The following SLC25A11 variants were observed in gnomAD, a reference collection of about 807,000 sequenced individuals.
The protein encoded by SLC25A11 is solute carrier family 25 member 11.
SLC25A11 carries 11 observed loss-of-function variants against 32.7 expected under a neutral mutation model. The observed-to-expected ratio is 0.34, with a 90% confidence interval of 0.21 to 0.56. SLC25A11 has a LOEUF of 0.56. Ranked by LOEUF, SLC25A11 falls within the 20% of genes least tolerant of loss-of-function variation. The probability of loss-of-function intolerance (pLI) is 0.90; values close to 1 mark genes in which losing one functional copy is unlikely to be tolerated. For synonymous variants in SLC25A11, 163 were observed against 168.3 expected, an observed-to-expected ratio of 0.97 and a Z score of 0.24; for missense variants, 295 against 426.3, an observed-to-expected ratio of 0.69 and a Z score of 2.71.
chr17:4,938,331 G>A lies in SLC25A11; in HGVS notation c.637+8C>T. 6.2e-7 allele frequency: 1 copy of A among 1,614,126 alleles called. No individual in the cohort carries two copies. The highest frequency in any genetic ancestry group is 8.5e-7 in the Non-Finnish European group (1 of 1,180,002). On this transcript the variant is annotated splice_region_variant and intron_variant, in intron 5 of 7. Coordinates refer to ENST00000225665, the MANE Select transcript of SLC25A11 (RefSeq NM_003562.5). The surrounding 1 kb of genome is among the most constrained non-coding windows in gnomAD (Gnocchi z 7.6). ...GCTGGGAACTAAGGGCCCAGCTCTG[G>A]ATCTCACCTGAGTCCAGTAAGAACT...
chr17:4,937,922 G>C (rs1333638322), intron 7 of SLC25A11, 26 bp from the exon 8 acceptor site: 1 of 1,612,314 alleles, frequency 6.2e-7, no homozygotes, highest in Non-Finnish European at 8.5e-7. Context: ...CAGGGCGCTG[G>C]GGCTAGGACT....
rs181186410 is a variant in SLC25A11 at position 4,938,711 on chromosome 17, C to A, written c.455+58G>T. The A allele has an allele frequency of 3.8e-6, 6 of 1,592,254 alleles. No individual in the cohort carries two copies. The highest frequency in any genetic ancestry group is 5.2e-6 in the Non-Finnish European group (6 of 1,162,922). ...TCCAGATCCGGGATAAAAAACTGGTCCTTTCATTCTAGATTCGAGGGAATG... is the reference window on the plus strand; with the variant it reads ...TCCAGATCCGGGATAAAAAACTGGTACTTTCATTCTAGATTCGAGGGAATG... On this transcript the variant is annotated intron_variant, in intron 3 of 7. Coordinates refer to ENST00000225665, the MANE Select transcript of SLC25A11 (RefSeq NM_003562.5). This position sits in a 1 kb window ranked among gnomAD's most constrained non-coding sequence, Gnocchi z 7.6.
rs1970467494 is a variant in SLC25A11 at position 4,938,071 on chromosome 17, G to A, written c.741C>T (p.Ile247=). The A allele has an allele frequency of 6.2e-7, 1 of 1,614,026 alleles. No individual in the cohort carries two copies. Among genetic ancestry groups the A allele is most frequent in the Non-Finnish European group, 8.5e-7 (1 of 1,180,034 alleles). The change falls in exon 7 of 8, where the codon ATC becomes ATT. Residue 247 remains isoleucine (I), a synonymous_variant. Coordinates refer to ENST00000225665, the MANE Select transcript of SLC25A11 (RefSeq NM_003562.5). This position sits in a 1 kb window ranked among gnomAD's most constrained non-coding sequence, Gnocchi z 7.6. ...SMPVDIAKTR[I]QNMRMIDGKP... ...TCCCATCAATCATCCGCATGTTCTG[G>A]ATTCTGCAGGAGAGGACGCAGGGGC...
rs762312430 is a variant in SLC25A11, at chr17:4,938,636, A to G, written c.456-34T>C. 2 of 1,607,080 alleles carry G rather than the reference A, an allele frequency of 1.2e-6. No homozygotes were observed. The highest frequency in any genetic ancestry group is 1.7e-6 in the Non-Finnish European group (2 of 1,173,860). On this transcript the variant is annotated intron_variant, in intron 3 of 7. Transcript: ENST00000225665. The surrounding 1 kb of genome is among the most constrained non-coding windows in gnomAD (Gnocchi z 7.6). ...AAGGCAGAAAGAGGTCAAGATCAGG[A>G]TTGCCCACAGGTGCAAAGAAAGGAA... is the stretch of plus-strand genomic sequence containing the variant.
rs561332085 is a variant in SLC25A11, at chr17:4,937,733, C to T, written c.*8G>A. On this transcript the variant is annotated 3_prime_UTR_variant, in exon 8 of 8. Transcript: ENST00000225665. ...GGCGCAGCAGGCGAGTGGGAGCCCC[C>T]GGCCGCTTCAGCCACTGAGGAAGAG... 2.6e-5 allele frequency: 41 copies of T among 1,599,044 alleles called. No homozygotes were observed. The highest frequency in any genetic ancestry group is 1.1e-4 in the South Asian group (10 of 89,088).
chr17:4,939,999 G>A lies in SLC25A11; in HGVS notation c.-89C>T. Reference sequence around the variant, plus strand: ...ACACCGCGCGCGCAACAGAGCGAGGGCGCGCGCACGCCCCTCCAGCTCTCA... The same window carrying A: ...ACACCGCGCGCGCAACAGAGCGAGGACGCGCGCACGCCCCTCCAGCTCTCA... On this transcript the variant is annotated 5_prime_UTR_variant, in exon 1 of 8. Transcript: ENST00000225665. This position sits in a 1 kb window ranked among gnomAD's most constrained non-coding sequence, Gnocchi z 4.1. The A allele has an allele frequency of 3.5e-6, 3 of 861,002 alleles. No homozygotes were observed. The highest frequency in any genetic ancestry group is 5.0e-6 in the Non-Finnish European group (3 of 597,120). The allele number at this position is 861,002 out of a possible 1,614,324, so 53.3% of individuals were successfully genotyped here.
chr17:4,937,679 G>C lies in SLC25A11; in HGVS notation c.*62C>G, dbSNP rs1970455204. 6 of 1,532,426 alleles carry C rather than the reference G, an allele frequency of 3.9e-6. No homozygotes were observed. In the South Asian group the frequency reaches 7.7e-5, roughly 20 times the overall value. The allele number at this position is 1,532,426 out of a possible 1,614,324, so 94.9% of individuals were successfully genotyped here. A position where few individuals can be genotyped will look rare whatever the true frequency, so the allele number is the denominator to read the frequency against. The stretch of plus-strand genomic sequence containing the variant: ...AAATAGAGGGGTCCAGGGCAGCAGA[G>C]CCCAGGCCCCCAGGGCGCAGTGGCT... On this transcript the variant is annotated 3_prime_UTR_variant, in exon 8 of 8. Coordinates refer to ENST00000225665, the MANE Select transcript of SLC25A11 (RefSeq NM_003562.5).
chr17:4,938,836 C>T lies in SLC25A11; in HGVS notation c.388G>A (p.Gly130Ser). Residue 130 changes from glycine to serine, a missense_variant, in exon 3 of 8, where the codon GGT (glycine) becomes AGT (serine). By Grantham distance (56) the Gly-to-Ser change is moderately conservative (BLOSUM62 0). Coordinates refer to ENST00000225665, the MANE Select transcript of SLC25A11 (RefSeq NM_003562.5). The surrounding 1 kb of genome is among the most constrained non-coding windows in gnomAD (Gnocchi z 7.6). ...GTTCCCACAAAGGCACCAGTGGCAC[C>T]TGCGGTCATGCCAATCACAGCCTTC... The part of the protein sequence containing the change: ...LLKAVIGMTA[G>S]ATGAFVGTPA... 1 of 1,614,170 alleles carries T rather than the reference C, an allele frequency of 6.2e-7. No individual in the cohort carries two copies. The highest frequency in any genetic ancestry group is 8.5e-7 in the Non-Finnish European group (1 of 1,180,020).
chr17:4,939,789 T>C lies in SLC25A11; in HGVS notation c.95+27A>G. On this transcript the variant is annotated intron_variant, in intron 1 of 7. Transcript: ENST00000225665. This position sits in a 1 kb window ranked among gnomAD's most constrained non-coding sequence, Gnocchi z 4.1. ...CCTTTTGCCCTTCCCTTCCTCCTCTTTTCCCATCCCTGGGGCCTGAGCTTA... is the reference window on the plus strand; with the variant it reads ...CCTTTTGCCCTTCCCTTCCTCCTCTCTTCCCATCCCTGGGGCCTGAGCTTA... 1 of 1,592,404 alleles carries C rather than the reference T, an allele frequency of 6.3e-7. No individual in the cohort carries two copies. The highest frequency in any genetic ancestry group is 8.6e-7 in the Non-Finnish European group (1 of 1,162,854).
chr17:4,939,299 G>A lies in SLC25A11; in HGVS notation c.96-87C>T. The A allele has an allele frequency of 4.3e-6, 6 of 1,409,292 alleles. No homozygotes were observed. The highest frequency in any genetic ancestry group is 5.8e-6 in the Non-Finnish European group (6 of 1,043,240). The allele number at this position is 1,409,292 out of a possible 1,614,324, so 87.3% of individuals were successfully genotyped here. On this transcript the variant is annotated intron_variant, in intron 1 of 7. Coordinates refer to ENST00000225665, the MANE Select transcript of SLC25A11 (RefSeq NM_003562.5). This position sits in a 1 kb window ranked among gnomAD's most constrained non-coding sequence, Gnocchi z 4.1. The stretch of plus-strand genomic sequence containing the variant: ...AGCCTGGCAGCAAGAGGTTACAAAG[G>A]TCAGGGCCTGCCATGCGATTCAAGA...
At position 4,939,572 on chromosome 17, in the gene SLC25A11, C is replaced by G; in HGVS notation, c.95+244G>C. 1.7e-6 allele frequency: 1 copy of G among 582,232 alleles called. No homozygotes were observed. Among genetic ancestry groups the G allele is most frequent in the Non-Finnish European group, 3.0e-6 (1 of 330,736 alleles). The allele number at this position is 582,232 out of a possible 1,614,324, so 36.1% of individuals were successfully genotyped here. A position where few individuals can be genotyped will look rare whatever the true frequency, so the allele number is the denominator to read the frequency against. ...GGCCTGGAACCCCCTGCCGCCCGGC[C>G]GAGCTTAGCAATGCGCTGGGAAACT... On this transcript the variant is annotated intron_variant, in intron 1 of 7. Transcript: ENST00000225665. This position sits in a 1 kb window ranked among gnomAD's most constrained non-coding sequence, Gnocchi z 4.1.
In SLC25A11 at chr17:4,939,230, TG is replaced by T; in HGVS notation, c.96-19del. 1 of 1,595,674 alleles carries T rather than the reference TG, an allele frequency of 6.3e-7. No individual in the cohort carries two copies. ...CTCCCATCCTGGGGGAAGACAGAGGTGGAGTGAAGGGCCAGGCATTCCAGAT... is the reference window on the plus strand; with the variant it reads ...CTCCCATCCTGGGGGAAGACAGAGGTGAGTGAAGGGCCAGGCATTCCAGAT... On this transcript the variant is annotated intron_variant, in intron 1 of 7. Transcript: ENST00000225665. This position sits in a 1 kb window ranked among gnomAD's most constrained non-coding sequence, Gnocchi z 4.1.
chr17:4,939,984 C>A lies in SLC25A11; in HGVS notation c.-74G>T. 6 of 1,115,300 alleles carry A rather than the reference C, an allele frequency of 5.4e-6. No homozygotes were observed. The highest frequency in any genetic ancestry group is 6.1e-6 in the Non-Finnish European group (5 of 814,872). The allele number at this position is 1,115,300 out of a possible 1,614,324, so 69.1% of individuals were successfully genotyped here. A position where few individuals can be genotyped will look rare whatever the true frequency, so the allele number is the denominator to read the frequency against. On this transcript the variant is annotated 5_prime_UTR_variant, in exon 1 of 8. Coordinates refer to ENST00000225665, the MANE Select transcript of SLC25A11 (RefSeq NM_003562.5). The surrounding 1 kb of genome is among the most constrained non-coding windows in gnomAD (Gnocchi z 4.1). ...CTCGCGCCCAAGGTGACACCGCGCG[C>A]GCAACAGAGCGAGGGCGCGCGCACG...
chr17:4,938,458 G>A lies in SLC25A11; in HGVS notation c.547-29C>T, dbSNP rs199680988. The A allele has an allele frequency of 6.4e-5, 103 of 1,613,954 alleles. No homozygotes were observed. Among genetic ancestry groups the A allele is most frequent in the Admixed American group, 2.7e-4 (16 of 60,020 alleles). On this transcript the variant is annotated intron_variant, in intron 4 of 7. Transcript: ENST00000225665. This position sits in a 1 kb window ranked among gnomAD's most constrained non-coding sequence, Gnocchi z 7.6. ...GAGGGAGGGGAGCGGGGAAGAGTCA[G>A]AAACCCCTAAAACCAGACCTCACAG... is the stretch of plus-strand genomic sequence containing the variant.
Position 4,939,316 on chromosome 17 carries a change from G to T in SLC25A11, c.96-104C>A, listed in dbSNP as rs1970558238. The T allele has an allele frequency of 7.9e-7, 1 of 1,265,326 alleles. No homozygotes were observed. Among genetic ancestry groups the T allele is most frequent in the Admixed American group, 2.5e-5 (1 of 39,912 alleles). 78.4% of individuals were successfully genotyped at this position (1,265,326 alleles called of 1,614,324 possible). ...TTACAAAGGTCAGGGCCTGCCATGC[G>T]ATTCAAGAATCAGGATGCTGGTGAG... On this transcript the variant is annotated intron_variant, in intron 1 of 7. Coordinates refer to ENST00000225665, the MANE Select transcript of SLC25A11 (RefSeq NM_003562.5). The surrounding 1 kb of genome is among the most constrained non-coding windows in gnomAD (Gnocchi z 4.1).
At position 4,937,872 on chromosome 17, in the gene SLC25A11, A is replaced by G. The variant is rs1597643960; in HGVS notation, c.814T>C (p.Tyr272His). The change falls in exon 8 of 8, where the codon TAC becomes CAC. Residue 272 changes from tyrosine to histidine, a missense_variant. Tyr to His is a moderately conservative substitution (Grantham distance 83). Around this residue, in one of 3 missense-constraint regions of SLC25A11, gnomAD observed 142 missense variants for 197.8 expected, o/e 0.72. Coordinates refer to ENST00000225665, the MANE Select transcript of SLC25A11 (RefSeq NM_003562.5). ...GLDVLFKVVR[Y>H]EGFFSLWKGF... ...TTCCACAGGCTGAAGAAGCCCTCGT[A>G]GCGGACAACTTTGAACAGCACGTCC... 1 of 1,613,876 alleles carries G rather than the reference A, an allele frequency of 6.2e-7. No homozygotes were observed. The highest frequency in any genetic ancestry group is 1.1e-5 in the South Asian group (1 of 91,040).
At position 4,938,744 on chromosome 17, in the gene SLC25A11, G is replaced by C. The variant is rs1970511390; in HGVS notation, c.455+25C>G. 1 of 1,601,278 alleles carries C rather than the reference G, an allele frequency of 6.2e-7. No individual in the cohort carries two copies. Among genetic ancestry groups the C allele is most frequent in the African/African-American group, 1.3e-5 (1 of 74,678 alleles). On this transcript the variant is annotated intron_variant, in intron 3 of 7. Transcript: ENST00000225665. This position sits in a 1 kb window ranked among gnomAD's most constrained non-coding sequence, Gnocchi z 7.6. ...TCTAGATTCGAGGGAATGGGGCTGG[G>C]GTTAGGTTCAGACTTGGAACTCACC...
At chr17:4,937,974 C>T (rs1970463390) in intron 7 of SLC25A11, 49 bp downstream of exon 7, 11 of 1,613,300 alleles carry the variant, frequency 6.8e-6, no homozygotes, top group Non-Finnish European at 9.3e-6. Flanking sequence ...TCACACCTTT[C>T]CCAGGGGATC....
chr17:4,939,193 C>T lies in SLC25A11; in HGVS notation c.115G>A (p.Val39Ile). 6.2e-7 allele frequency: 1 copy of T among 1,607,938 alleles called. No homozygotes were observed. Among genetic ancestry groups the T allele is most frequent in the Non-Finnish European group, 8.5e-7 (1 of 1,174,810 alleles). The change falls in exon 2 of 8, where the codon GTC becomes ATC. Residue 39 changes from valine (V) to isoleucine (I), a missense_variant. Transcript: ENST00000225665. The surrounding 1 kb of genome is among the most constrained non-coding windows in gnomAD (Gnocchi z 4.1). The part of the protein sequence containing the change: ...GLAGMGATVF[V>I]QPLDLVKNRM... ...TTCTTCACCAGGTCCAGGGGCTGGA[C>T]AAAAACTGTAGCTCCCATCCTGGGG...
Sources: allele counts gnomAD v4.1 joint callset, GRCh38; gene constraint gnomAD v4.1.1; regional missense constraint gnomAD v4.1.1; non-coding constraint Gnocchi (gnomAD v3.1); transcripts MANE v1.5; gene names NCBI Gene and HGNC (gene_info 2026-07-23, HGNC 2026-07-21).